GRM7: variants seen among roughly 807,000 people sequenced by gnomAD.
GRM7 encodes the protein metabotropic glutamate receptor 7.
A neutral mutation model predicts 84.5 loss-of-function variants in GRM7; 35 were observed. The ratio of observed to expected loss-of-function variants is 0.41; its 90% CI spans 0.32 to 0.55. The LOEUF is 0.55. GRM7 is among the 20% of genes least tolerant of loss of function. The pLI is 0.19. For synonymous variants in GRM7, 487 were observed against 455.1 expected, an observed-to-expected ratio of 1.07 and a Z score of -0.89; for missense variants, 1,003 against 1,194.6, an observed-to-expected ratio of 0.84 and a Z score of 2.36.
chr3:7,509,301 G>A (rs1377998945), intron 7 of GRM7, among the ~76,000 whole-genome samples: 1 of 152,046 alleles, frequency 6.6e-6, no homozygotes, highest in Admixed American at 6.6e-5. Context: ...ATGATTAGTT[G>A]TTATTAATCT....
chr3:7,190,388 A>G (rs1042716957), intron 2 of GRM7, among the ~76,000 whole-genome samples: 2 of 152,158 alleles, frequency 1.3e-5, no homozygotes, highest in African/African-American at 4.8e-5. Context: ...TGTCTTAGTC[A>G]AAAATAAGAC....
At chr3:7,575,941 C>T (rs1694942351) in intron 7 of GRM7, among the ~76,000 whole-genome samples, 1 of 152,130 alleles carries the variant, frequency 6.6e-6, no homozygotes, top group Admixed American at 6.5e-5. Flanking sequence ...TTTAAACTGG[C>T]TGTAAAGTAT....
intron 7 of GRM7, among the ~76,000 whole-genome samples, chr3:7,558,883 C>T (rs1017318305): frequency 1.3e-5 from 2 of 152,060 alleles, no homozygotes; most frequent in African/African-American, 4.8e-5. Flanking sequence ...AAGCAGTTCT[C>T]AAGAATTGTG....
intron 7 of GRM7, among the ~76,000 whole-genome samples, chr3:7,501,273 T>C (rs1699873904): frequency 6.6e-6 from 1 of 152,232 alleles, no homozygotes; most frequent in Non-Finnish European, 1.5e-5. Context: ...TTATCAAAAC[T>C]CACCCTTTTG....
chr3:7,254,679 T>C (rs1342652227), intron 2 of GRM7, among the ~76,000 whole-genome samples: 2 of 152,230 alleles, frequency 1.3e-5, no homozygotes, highest in Non-Finnish European at 2.9e-5. Flanking sequence ...TGTAGTTTGC[T>C]GACCTCTGCT....
At chr3:7,084,442 A>T (rs1698376515) in intron 1 of GRM7, among the ~76,000 whole-genome samples, 1 of 152,120 alleles carries the variant, frequency 6.6e-6, no homozygotes, top group South Asian at 2.1e-4. Flanking sequence ...TTGGAAGGGA[A>T]TAAGAAGTAG....
At chr3:7,392,272 G>C (rs1198302801) in intron 4 of GRM7, among the ~76,000 whole-genome samples, 2 of 152,168 alleles carry the variant, frequency 1.3e-5, no homozygotes, top group Non-Finnish European at 2.9e-5. Flanking sequence ...TGCATGTCTG[G>C]CCACACAGAA....
chr3:6,958,998 CA>C (rs1240348744), intron 1 of GRM7, among the ~76,000 whole-genome samples: 9 of 152,092 alleles, frequency 5.9e-5, no homozygotes, highest in Non-Finnish European at 1.3e-4. Context: ...CCATGATGTC[CA>C]GGGGCATATG....
At chr3:7,723,083 A>C (rs1307522081) in intron 9 of GRM7, among the ~76,000 whole-genome samples, 1 of 152,168 alleles carries the variant, frequency 6.6e-6, no homozygotes, top group Non-Finnish European at 1.5e-5. Context: ...TGTTTGCTTC[A>C]TCTATACCTA....
intron 2 of GRM7, among the ~76,000 whole-genome samples, chr3:7,278,228 A>G (rs574421171): frequency 6.6e-6 from 1 of 152,052 alleles, no homozygotes; most frequent in Non-Finnish European, 1.5e-5. Context: ...GAACTCAAAA[A>G]TCTTAATTTA....
intron 1 of GRM7, among the ~76,000 whole-genome samples, chr3:6,874,385 C>T (rs1195442065): frequency 6.6e-6 from 1 of 152,112 alleles, no homozygotes. Flanking sequence ...TTAAACTGTA[C>T]CCCCAGTCAG....
chr3:6,982,315 G>A (rs1559366175), intron 1 of GRM7, among the ~76,000 whole-genome samples: 1 of 152,128 alleles, frequency 6.6e-6, no homozygotes, highest in African/African-American at 2.4e-5. Flanking sequence ...GGTAGGAGGG[G>A]TGCCAGAGTT....
intron 7 of GRM7, among the ~76,000 whole-genome samples, chr3:7,493,088 CAT>C (rs1699580743): frequency 6.6e-6 from 1 of 152,000 alleles, no homozygotes; most frequent in African/African-American, 2.4e-5. Flanking sequence ...TTATGATAAA[CAT>C]GTTCTATCAT....
At chr3:7,304,495 T>A (rs557451126) in intron 3 of GRM7, among the ~76,000 whole-genome samples, 1 of 151,984 alleles carries the variant, frequency 6.6e-6, no homozygotes, top group Admixed American at 6.5e-5. Context: ...AATTTGTATT[T>A]TCAATTTTTT....
intron 7 of GRM7, among the ~76,000 whole-genome samples, chr3:7,547,025 C>T (rs1270567390): frequency 1.3e-5 from 2 of 151,902 alleles, no homozygotes; most frequent in Non-Finnish European, 2.9e-5. Flanking sequence ...GAAACTAAAT[C>T]AGAACGCAAT....
Position 7,232,011 on chromosome 3 carries a change from G to A in GRM7, c.737-66673G>A, listed in dbSNP as rs1575061691. Among the ~76,000 whole-genome samples the A allele has an allele frequency of 7.9e-5, 12 of 152,292 alleles. No homozygotes were observed. The South Asian group carries it at 2.5e-3, about 32-fold the overall frequency. ...GCTGAACCGAAGTACACAGATCATT[G>A]AGAAGAACATTGAAATAAGTGATGA... On this transcript the variant is annotated intron_variant, in intron 2 of 9. Coordinates refer to ENST00000357716, the MANE Select transcript of GRM7 (RefSeq NM_000844.4).
At chr3:7,203,643 T>C (rs1392941539) in intron 2 of GRM7, among the ~76,000 whole-genome samples, 1 of 152,186 alleles carries the variant, frequency 6.6e-6, no homozygotes, top group East Asian at 1.9e-4. Context: ...ATGTTAGTTC[T>C]ATTTATAGTT....
Position 7,064,505 on chromosome 3 carries a change from C to CACATATACATATATATATATACACACAT in GRM7, c.520-81946_520-81945insCATATACATATATATATATACACACATA, listed in dbSNP as rs1553612672. Reference sequence around the variant, plus strand: ...ACACACATATACATATATATATACACATATATATATATACACACACACACA... The same window carrying CACATATACATATATATATATACACACAT: ...ACACACATATACATATATATATACACACATATACATATATATATATACACACATATATATATATATACACACACACACA... On this transcript the variant is annotated intron_variant, in intron 1 of 9. Transcript: ENST00000357716. Among the ~76,000 whole-genome samples the CACATATACATATATATATATACACACAT allele has an allele frequency of 1.3e-4, 13 of 101,018 alleles. No homozygotes were observed. The East Asian group carries it at 1.8e-3, about 14-fold the overall frequency. The allele number at this position is 101,018 out of a possible 152,430, so 66.3% of individuals were successfully genotyped here.
At chr3:7,306,247 A>G (rs1700190574) in intron 3 of GRM7, among the ~76,000 whole-genome samples, 1 of 152,076 alleles carries the variant, frequency 6.6e-6, no homozygotes, top group South Asian at 2.1e-4. Context: ...TCTTTACCTT[A>G]TTGGACATTT....
Sources: allele counts gnomAD v4.1 joint callset (sites outside exome capture counted in the v4.1 genomes callset), GRCh38; gene constraint gnomAD v4.1.1; transcripts MANE v1.5; gene names NCBI Gene and HGNC (gene_info 2026-07-23, HGNC 2026-07-21).